CPA6: variants seen among roughly 807,000 people sequenced by gnomAD.
The protein encoded by CPA6 is carboxypeptidase B.
Under a neutral mutation model 63.3 loss-of-function variants are expected in CPA6, and 58 were observed. That is an observed-to-expected ratio of 0.92 (90% CI 0.74 to 1.14). CPA6 has a LOEUF of 1.14. Among genes scored for constraint, CPA6 ranks in the 50% most tolerant of loss-of-function variants. CPA6 has a pLI of 0.00. For missense variants in CPA6, 565 were observed against 526.6 expected, an observed-to-expected ratio of 1.07 and a Z score of -0.71; for synonymous variants, 185 against 179.0, an observed-to-expected ratio of 1.03 and a Z score of -0.27.
chr8:67,457,439 T>TG (rs1434013101), intron 8 of CPA6, among the ~76,000 whole-genome samples: 5 of 152,224 alleles, frequency 3.3e-5, no homozygotes, highest in African/African-American at 1.2e-4. Context: ...TTTTTTTGGC[T>TG]GAAGATCTTG....
At chr8:67,552,734 G>T (rs1812973678) in intron 2 of CPA6, among the ~76,000 whole-genome samples, 2 of 120,664 alleles carry the variant, frequency 1.7e-5, no homozygotes, top group Non-Finnish European at 3.2e-5. Flanking sequence ...CCAAGATGGT[G>T]CCACTGCACT....
chr8:67,424,825 C>T (rs561311932), intron 10 of CPA6, among the ~76,000 whole-genome samples: 1 of 152,126 alleles, frequency 6.6e-6, no homozygotes, highest in Non-Finnish European at 1.5e-5. Context: ...CCTCAGATCC[C>T]GCTTTCAAGG....
At chr8:67,583,097 C>T (rs756695174) in intron 2 of CPA6, among the ~76,000 whole-genome samples, 138 of 149,930 alleles carry the variant, frequency 9.2e-4, no homozygotes, top group Admixed American at 4.0e-3. Context: ...TAGTTTAGCA[C>T]GATGAAGTGG....
In CPA6 at chr8:67,678,253, A is replaced by G. The variant is rs558632631; in HGVS notation, c.117-54002T>C. 4.6e-5 allele frequency among the ~76,000 whole-genome samples: 7 copies of G among 151,852 alleles called. No homozygotes were observed. In the South Asian group the frequency reaches 1.5e-3, roughly 32 times the overall value. ...CACACACACACACACACACACACAC[A>G]CACACACACAAACCCTGATGAAATA... On this transcript the variant is annotated intron_variant, in intron 1 of 10. Coordinates refer to ENST00000297770, the MANE Select transcript of CPA6 (RefSeq NM_020361.5).
intron 1 of CPA6, among the ~76,000 whole-genome samples, chr8:67,736,743 T>G (rs1157073811): frequency 6.6e-6 from 1 of 152,192 alleles, no homozygotes; most frequent in Non-Finnish European, 1.5e-5. Context: ...CCTAGAGGTC[T>G]CTCTTGAGCT....
chr8:67,509,316 A>T lies in CPA6; in HGVS notation c.534+201T>A, dbSNP rs188371532. 1.9e-3 allele frequency among the ~76,000 whole-genome samples: 286 copies of T among 152,332 alleles called. 2 individuals are homozygous for T. Among genetic ancestry groups the T allele is most frequent in the Middle Eastern group, 0.01 (3 of 294 alleles). On this transcript the variant is annotated intron_variant, in intron 5 of 10. Coordinates refer to ENST00000297770, the MANE Select transcript of CPA6 (RefSeq NM_020361.5). ...CGCATCAATAACTGAAAATGTTGGC[A>T]AAAGTATTCTCTGAAATATCCAATG... is the stretch of plus-strand genomic sequence containing the variant.
chr8:67,733,004 G>A (rs1008989878), intron 1 of CPA6, among the ~76,000 whole-genome samples: 2 of 151,756 alleles, frequency 1.3e-5, no homozygotes, highest in Admixed American at 6.6e-5. Flanking sequence ...AGACGATCCC[G>A]GCTAACACGG....
intron 2 of CPA6, among the ~76,000 whole-genome samples, chr8:67,552,018 T>C (rs941346849): frequency 6.6e-6 from 1 of 152,194 alleles, no homozygotes; most frequent in Non-Finnish European, 1.5e-5. Flanking sequence ...AAAATCAGAC[T>C]TTTTCTCCTT....
In CPA6 at chr8:67,534,908, C is replaced by T. The variant is rs143471040; in HGVS notation, c.193-16861G>A. On this transcript the variant is annotated intron_variant, in intron 2 of 10. Transcript: ENST00000297770. ...ACAGGCCCTGGTGTGTGATGTTCCC[C>T]GCCTTGTGCCCATATGCTTTCATTA... Among the ~76,000 whole-genome samples the T allele has an allele frequency of 2.9e-3, 434 of 151,522 alleles. 4 individuals are homozygous for T. The highest frequency in any genetic ancestry group is 9.4e-3 in the African/African-American group (386 of 41,256).
At chr8:67,544,909 T>A (rs968906295) in intron 2 of CPA6, among the ~76,000 whole-genome samples, 1 of 152,194 alleles carries the variant, frequency 6.6e-6, no homozygotes, top group African/African-American at 2.4e-5. Flanking sequence ...TAGAAGCTAT[T>A]TGCAGATATT....
chr8:67,527,663 T>C (rs1348747560), intron 2 of CPA6, among the ~76,000 whole-genome samples: 1 of 152,214 alleles, frequency 6.6e-6, no homozygotes, highest in Admixed American at 6.5e-5. Context: ...CTCCCTACTT[T>C]GAAGATCAGA....
intron 6 of CPA6, 38 bp from the exon 7 acceptor site, chr8:67,484,827 C>A: frequency 1.7e-6 from 2 of 1,194,932 alleles, no homozygotes; most frequent in South Asian, 1.3e-5. Flanking sequence ...TTAAATTGGT[C>A]CCCAAAAGAG....
At chr8:67,488,760 G>T (rs1811540911) in intron 6 of CPA6, among the ~76,000 whole-genome samples, 1 of 152,156 alleles carries the variant, frequency 6.6e-6, no homozygotes, top group Non-Finnish European at 1.5e-5. Context: ...CCTTGAAGAG[G>T]TCCTTCACAT....
chr8:67,588,543 T>C (rs1814011212), intron 2 of CPA6, among the ~76,000 whole-genome samples: 1 of 152,174 alleles, frequency 6.6e-6, no homozygotes, highest in African/African-American at 2.4e-5. Context: ...ACCTGAGGGC[T>C]AAAATAAATG....
intron 8 of CPA6, among the ~76,000 whole-genome samples, chr8:67,435,596 G>C (rs1374910876): frequency 1.3e-5 from 2 of 151,674 alleles, no homozygotes; most frequent in African/African-American, 2.4e-5. Context: ...AGATGGAGCT[G>C]CCTGACTCAG....
intron 2 of CPA6, among the ~76,000 whole-genome samples, chr8:67,589,188 A>C (rs1183408834): frequency 1.3e-5 from 2 of 152,118 alleles, no homozygotes; most frequent in Non-Finnish European, 2.9e-5. Context: ...GGTGGTAGCT[A>C]AGAATGTGGT....
chr8:67,540,589 C>A (rs1371476800), intron 2 of CPA6, among the ~76,000 whole-genome samples: 2 of 152,214 alleles, frequency 1.3e-5, no homozygotes, highest in African/African-American at 2.4e-5. Flanking sequence ...GTTTAAGTCT[C>A]CTCAAGCTGT....
chr8:67,703,775 C>T (rs937672643), intron 1 of CPA6, among the ~76,000 whole-genome samples: 6 of 152,244 alleles, frequency 3.9e-5, no homozygotes, highest in African/African-American at 1.2e-4. Context: ...TAATCAGAAC[C>T]CCAGCTCTGC....
At chr8:67,695,935 G>A (rs536175114) in intron 1 of CPA6, among the ~76,000 whole-genome samples, 70 of 152,248 alleles carry the variant, frequency 4.6e-4, no homozygotes, top group African/African-American at 1.6e-3. Flanking sequence ...TGGCTTAGAG[G>A]TGATAGTTCC....
Sources: gnomAD v4.1 joint callset for allele counts (sites outside exome capture counted in the v4.1 genomes callset) on GRCh38, gnomAD v4.1.1 for gene constraint, MANE v1.5 for transcripts, NCBI Gene and HGNC (gene_info 2026-07-23, HGNC 2026-07-21) for gene names.